Variants in NALCN observed in about 807,000 individuals in gnomAD.
The protein encoded by NALCN is sodium leak channel, non-selective, also known as sodium leak channel NALCN.
In NALCN, 111 loss-of-function variants were observed where a neutral mutation model predicts 225.3. The ratio of observed to expected loss-of-function variants is 0.49; its 90% CI spans 0.42 to 0.58. The LOEUF (loss-of-function observed/expected upper bound fraction) is 0.58, where lower values mean the gene tolerates loss of function less well. NALCN is among the 20% of genes least tolerant of loss of function. The pLI is 0.00. For missense variants in NALCN, 1,378 were observed against 2,202.4 expected, an observed-to-expected ratio of 0.63 and a Z score of 7.49; for synonymous variants, 764 against 769.0, an observed-to-expected ratio of 0.99 and a Z score of 0.11.
chr13:101,142,065 A>G (rs1431016870), intron 17 of NALCN, among the ~76,000 whole-genome samples: 1 of 151,770 alleles, frequency 6.6e-6, no homozygotes, highest in Non-Finnish European at 1.5e-5. Flanking sequence ...ATATACACAC[A>G]TATACATTTA....
chr13:101,263,188 A>G (rs1037801343), intron 10 of NALCN, among the ~76,000 whole-genome samples: 1 of 152,202 alleles, frequency 6.6e-6, no homozygotes, highest in Non-Finnish European at 1.5e-5. Context: ...CTATTGATGC[A>G]TATCCGTTTC....
intron 37 of NALCN, 21 bp downstream of exon 37, chr13:101,073,563 T>G (rs1325152520): frequency 6.3e-7 from 1 of 1,592,080 alleles, no homozygotes; most frequent in Admixed American, 1.7e-5. Context: ...CTAAGCCTTG[T>G]TCATGATGAG....
At chr13:101,341,658 CA>C (rs2045562907) in intron 7 of NALCN, among the ~76,000 whole-genome samples, 1 of 152,038 alleles carries the variant, frequency 6.6e-6, no homozygotes. Context: ...CTCATTCTTT[CA>C]ATTATGACTC....
chr13:101,316,663 T>C (rs76305658), intron 7 of NALCN, among the ~76,000 whole-genome samples: 406 of 152,358 alleles, frequency 2.7e-3, no homozygotes, highest in Non-Finnish European at 4.6e-3. Flanking sequence ...ATATACCCTT[T>C]TATACCTGTA....
At chr13:101,381,943 A>C (rs2046860173) in intron 3 of NALCN, among the ~76,000 whole-genome samples, 1 of 152,122 alleles carries the variant, frequency 6.6e-6, no homozygotes, top group African/African-American at 2.4e-5. Context: ...AATTCCAAAA[A>C]CGAAAACTGA....
At chr13:101,178,891 G>A (rs2039074437) in intron 14 of NALCN, among the ~76,000 whole-genome samples, 3 of 152,154 alleles carry the variant, frequency 2.0e-5, no homozygotes, top group Admixed American at 2.0e-4. Flanking sequence ...ATTGCAGCCT[G>A]CGTTAGAGCT....
intron 7 of NALCN, among the ~76,000 whole-genome samples, chr13:101,296,677 A>G (rs562143458): frequency 1.3e-5 from 2 of 152,372 alleles, no homozygotes; most frequent in East Asian, 3.9e-4. Flanking sequence ...AATATAACGC[A>G]TTAATTTTTT....
At chr13:101,370,862 A>G (rs2046520026) in intron 6 of NALCN, among the ~76,000 whole-genome samples, 1 of 152,208 alleles carries the variant, frequency 6.6e-6, no homozygotes, top group Non-Finnish European at 1.5e-5. Context: ...GAACATGTCA[A>G]TAAACCCCAA....
intron 10 of NALCN, among the ~76,000 whole-genome samples, chr13:101,279,852 T>TAAATAAAG (rs1409727992): frequency 6.7e-6 from 1 of 148,240 alleles, no homozygotes; most frequent in East Asian, 2.0e-4. Context: ...AATAAATAAA[T>TAAATAAAG]AAATAAATAA....
chr13:101,333,689 G>A (rs1235514860), intron 7 of NALCN, among the ~76,000 whole-genome samples: 1 of 152,210 alleles, frequency 6.6e-6, no homozygotes, highest in Non-Finnish European at 1.5e-5. Flanking sequence ...GGTAAGAGCT[G>A]TGTTACGGCT....
At chr13:101,101,885 C>T (rs753355549) in intron 26 of NALCN, among the ~76,000 whole-genome samples, 4 of 152,142 alleles carry the variant, frequency 2.6e-5, no homozygotes, top group Non-Finnish European at 4.4e-5. Context: ...CACAAATTCT[C>T]CTCTAAAATT....
At chr13:101,368,620 G>A (rs145827049) in intron 6 of NALCN, 1 of 152,286 alleles carries the variant, frequency 6.6e-6, no homozygotes, top group East Asian at 1.9e-4. Context: ...CTACATTTAT[G>A]TCTGGGCTAA....
chr13:101,172,075 T>C (rs1372256625), intron 15 of NALCN, among the ~76,000 whole-genome samples: 1 of 152,180 alleles, frequency 6.6e-6, no homozygotes, highest in African/African-American at 2.4e-5. Context: ...AATGACACCA[T>C]AGCTTCTCAT....
At chr13:101,149,397 T>A (rs1393202653) in intron 15 of NALCN, among the ~76,000 whole-genome samples, 1 of 152,206 alleles carries the variant, frequency 6.6e-6, no homozygotes, top group East Asian at 1.9e-4. Flanking sequence ...ATACCAACAG[T>A]CACCTTGTTT....
rs117544075 is a variant in NALCN at position 101,340,515 on chromosome 13, C to T, written c.799+4751G>A. Among the ~76,000 whole-genome samples, 77 of 152,272 alleles carry T rather than the reference C, an allele frequency of 5.1e-4. No individual in the cohort carries two copies. In the East Asian group the frequency reaches 0.012, roughly 23 times the overall value. On this transcript the variant is annotated intron_variant, in intron 7 of 43. Transcript: ENST00000251127. ...TCTAGTTCATTCTGCGTTTGTTCTA[C>T]GCTACACGTACTCTAAGTGTAGTTT...
chr13:101,299,426 TTTTG>T (rs145178011), intron 7 of NALCN, among the ~76,000 whole-genome samples: 2,313 of 151,606 alleles, frequency 0.015, 51 homozygotes, highest in African/African-American at 0.049. Context: ...ACAGGGTTTT[TTTTG>T]TTTGTTTGTT....
chr13:101,272,233 G>C (rs2042817161), intron 10 of NALCN, among the ~76,000 whole-genome samples: 1 of 152,100 alleles, frequency 6.6e-6, no homozygotes, highest in Non-Finnish European at 1.5e-5. Context: ...GTGTGAGCCT[G>C]TATGAGTGTG....
intron 6 of NALCN, among the ~76,000 whole-genome samples, chr13:101,353,865 A>G (rs1594729032): frequency 1.3e-5 from 2 of 152,230 alleles, no homozygotes; most frequent in Non-Finnish European, 2.9e-5. Context: ...TTTATTTTAA[A>G]GGAATATTTT....
intron 10 of NALCN, among the ~76,000 whole-genome samples, chr13:101,270,973 G>A (rs1251214958): frequency 6.6e-6 from 1 of 152,142 alleles, no homozygotes; most frequent in Non-Finnish European, 1.5e-5. Flanking sequence ...AAAATGCTTG[G>A]CATAAGTTAG....
Sources: allele counts gnomAD v4.1 joint callset (sites outside exome capture counted in the v4.1 genomes callset), GRCh38; gene constraint gnomAD v4.1.1; transcripts MANE v1.5; gene names NCBI Gene and HGNC (gene_info 2026-07-23, HGNC 2026-07-21).